The following CNTNAP1 variants were observed in gnomAD, a reference collection of about 807,000 sequenced individuals.
CNTNAP1 encodes the protein contactin associated protein 1.
In CNTNAP1, 80 loss-of-function variants were observed where a neutral mutation model predicts 161.5. The ratio of observed to expected loss-of-function variants is 0.50; its 90% CI spans 0.41 to 0.60. The LOEUF is 0.60. Among genes scored for constraint, CNTNAP1 ranks in the 20% least tolerant of loss-of-function variants. The pLI is 0.00. For missense variants in CNTNAP1, 1,464 were observed against 1,854.8 expected, an observed-to-expected ratio of 0.79 and a Z score of 3.87; for synonymous variants, 695 against 733.1, an observed-to-expected ratio of 0.95 and a Z score of 0.84.
Position 42,696,036 on chromosome 17 carries a change from C to T in CNTNAP1, c.3358C>T (p.Leu1120=). 1.2e-6 allele frequency: 2 copies of T among 1,614,132 alleles called. No individual in the cohort carries two copies. Among genetic ancestry groups the T allele is most frequent in the South Asian group, 1.1e-5 (1 of 91,080 alleles). Residue 1120 remains leucine (L), a synonymous_variant, in exon 20 of 24, where the codon CTG becomes TTG. Coordinates refer to ENST00000264638, the MANE Select transcript of CNTNAP1 (RefSeq NM_003632.3). ...VLIKDDGTLQ[L]RYQLGTSPYV... ...TCCCCACCCCACAGGGACCCTTCAG[C>T]TGCGATATCAGCTGGGCACCAGTCC...
Position 42,691,875 on chromosome 17 carries a change from A to T in CNTNAP1, c.2414A>T (p.His805Leu). Residue 805 changes from histidine (H) to leucine (L), a missense_variant, in exon 16 of 24, where the codon CAC becomes CTC. Transcript: ENST00000264638. This position sits in a 1 kb window ranked among gnomAD's most constrained non-coding sequence, Gnocchi z 4.3. ...CGCTTCCCCCCAATCCGTGCCAACCACAGCCTGGATGTCTCCTTCTACTTC... is the reference window on the plus strand; with the variant it reads ...CGCTTCCCCCCAATCCGTGCCAACCTCAGCCTGGATGTCTCCTTCTACTTC... Reference protein sequence around the residue: ...ALRFPPIRANHSLDVSFYFRT... With the variant: ...ALRFPPIRANLSLDVSFYFRT... The T allele has an allele frequency of 6.2e-7, 1 of 1,614,014 alleles. No homozygotes were observed.
chr17:42,689,531 AACATG>A lies in CNTNAP1; in HGVS notation c.1640_1644del (p.Asn547MetfsTer2). On this transcript the variant is annotated frameshift_variant, in exon 11 of 24. Coordinates refer to ENST00000264638, the MANE Select transcript of CNTNAP1 (RefSeq NM_003632.3). LOFTEE classifies it high-confidence loss of function. ...TGACCCCTTCCCTAGGTGCAGCCCT[AACATG>A]TGTGAGCATGATGGACGCTGCTACC... The A allele has an allele frequency of 4.3e-6, 7 of 1,613,460 alleles. No homozygotes were observed. Among genetic ancestry groups the A allele is most frequent in the Non-Finnish European group, 5.9e-6 (7 of 1,179,636 alleles).
intron 9 of CNTNAP1, 54 bp downstream of exon 9, chr17:42,688,665 C>A: frequency 6.2e-7 from 1 of 1,610,746 alleles, no homozygotes; most frequent in Non-Finnish European, 8.5e-7. Flanking sequence ...AAGGCTCCAT[C>A]TAAGTCCACC....
intron 8 of CNTNAP1, 95 bp from the exon 9 acceptor site, chr17:42,688,367 T>TGG: frequency 6.5e-7 from 1 of 1,536,970 alleles, no homozygotes; most frequent in East Asian, 2.3e-5. Context: ...AGGCTGCTAC[T>TGG]GGGACACAGT....
chr17:42,694,253 C>T (rs2053127070), intron 18 of CNTNAP1, among the ~76,000 whole-genome samples: 1 of 151,746 alleles, frequency 6.6e-6, no homozygotes, highest in Non-Finnish European at 1.5e-5. Context: ...CTCACTGCAA[C>T]CTCCACCTCC....
At chr17:42,698,164 C>A (rs960043079) in intron 23 of CNTNAP1, among the ~76,000 whole-genome samples, 1 of 151,848 alleles carries the variant, frequency 6.6e-6, no homozygotes, top group Non-Finnish European at 1.5e-5. Context: ...CTGAAGGTGA[C>A]ATATAACTGG....
At position 42,689,063 on chromosome 17, in the gene CNTNAP1, TA is replaced by T. The variant is rs1275805350; in HGVS notation, c.1628+18del. 6.5e-7 allele frequency: 1 copy of T among 1,545,150 alleles called. No homozygotes were observed. Among genetic ancestry groups the T allele is most frequent in the East Asian group, 2.3e-5 (1 of 43,920 alleles). On this transcript the variant is annotated intron_variant, in intron 10 of 23. Coordinates refer to ENST00000264638, the MANE Select transcript of CNTNAP1 (RefSeq NM_003632.3). ...TCACTGATAGGTACCCAGAAGCCCCTAACAAGAGATGACCCCTCCAAAGCCC... is the reference window on the plus strand; with the variant it reads ...TCACTGATAGGTACCCAGAAGCCCCTACAAGAGATGACCCCTCCAAAGCCC...
chr17:42,682,829 C>T lies in CNTNAP1; in HGVS notation c.-1C>T, dbSNP rs1352170444. On this transcript the variant is annotated 5_prime_UTR_variant, in exon 1 of 24. Transcript: ENST00000264638. ...GCGGCTGCCGGGACCGTCAGCCCTG[C>T]ATGATGCATCTCCGGCTCTTCTGCA... The T allele has an allele frequency of 6.3e-7, 1 of 1,575,498 alleles. No homozygotes were observed. Among genetic ancestry groups the T allele is most frequent in the African/African-American group, 1.3e-5 (1 of 74,110 alleles).
In CNTNAP1 at chr17:42,693,294, C is replaced by G; in HGVS notation, c.2753-3C>G. On this transcript the variant is annotated splice_region_variant and splice_polypyrimidine_tract_variant and intron_variant, in intron 17 of 23. Transcript: ENST00000264638. Reference sequence around the variant, plus strand: ...TTCTTGACCTGTTGCCTACCCTTCCCAGGATCTGCAGAGCTTAAGAGACGC... The same window carrying G: ...TTCTTGACCTGTTGCCTACCCTTCCGAGGATCTGCAGAGCTTAAGAGACGC... The G allele has an allele frequency of 1.2e-6, 2 of 1,613,842 alleles. No homozygotes were observed. The highest frequency in any genetic ancestry group is 1.7e-6 in the Non-Finnish European group (2 of 1,179,780).
At chr17:42,696,319 T>C (rs112315462) in intron 20 of CNTNAP1, among the ~76,000 whole-genome samples, 167 bp downstream of exon 20, 4 of 87,794 alleles carry the variant, frequency 4.6e-5, no homozygotes, top group African/African-American at 1.8e-4. Flanking sequence ...AAGGGGACAA[T>C]AGGCATTTTT....
intron 18 of CNTNAP1, 91 bp downstream of exon 18, chr17:42,693,627 A>G: frequency 6.5e-7 from 1 of 1,531,238 alleles, no homozygotes. Flanking sequence ...TAAAGCCCAT[A>G]TCATGGAAAA....
intron 18 of CNTNAP1, among the ~76,000 whole-genome samples, 189 bp downstream of exon 18, chr17:42,693,725 A>T (rs1488852180): frequency 6.6e-6 from 1 of 152,210 alleles, no homozygotes; most frequent in Non-Finnish European, 1.5e-5. Context: ...TGGACAAGGA[A>T]GGGATGGTAC....
rs542849433 is a variant in CNTNAP1 at position 42,687,199 on chromosome 17, C to T, written c.1044+153C>T. ...AAGTTGGGAGGGGAGCGGGTCTCAC[C>T]TGAGGTGCATGAGCCACGCAGGCCC... On this transcript the variant is annotated intron_variant, in intron 7 of 23. Transcript: ENST00000264638. The surrounding 1 kb of genome is among the most constrained non-coding windows in gnomAD (Gnocchi z 4.7). 5.2e-4 allele frequency: 565 copies of T among 1,084,246 alleles called. 3 individuals are homozygous for T. The African/African-American group carries it at 7.7e-3, about 15-fold the overall frequency. 67.2% of individuals were successfully genotyped at this position (1,084,246 alleles called of 1,614,324 possible).
In CNTNAP1 at chr17:42,690,721, T is replaced by C; in HGVS notation, c.1856-18T>C. ...ATGCCCAACTCCAGCCAAAGCTCTGTCCCCTCTTGTCTGCCAGAGAACCGA... is the reference window on the plus strand; with the variant it reads ...ATGCCCAACTCCAGCCAAAGCTCTGCCCCCTCTTGTCTGCCAGAGAACCGA... On this transcript the variant is annotated intron_variant, in intron 12 of 23. Transcript: ENST00000264638. 6.2e-7 allele frequency: 1 copy of C among 1,610,320 alleles called. No homozygotes were observed. The highest frequency in any genetic ancestry group is 8.5e-7 in the Non-Finnish European group (1 of 1,176,978).
In CNTNAP1 at chr17:42,683,840, G is replaced by A. The variant is rs1347026109; in HGVS notation, c.87G>A (p.Leu29=). 5 of 1,612,218 alleles carry A rather than the reference G, an allele frequency of 3.1e-6. No homozygotes were observed. The Admixed American group carries it at 5.0e-5, about 16-fold the overall frequency. ...CCCTAGACGGCTGCGACGAGGAGCTGGTGGGTCCCCTGTATGCACGCTCCC... is the reference window on the plus strand; with the variant it reads ...CCCTAGACGGCTGCGACGAGGAGCTAGTGGGTCCCCTGTATGCACGCTCCC... ...GWGYYGCDEE[L]VGPLYARSLG... is the part of the protein sequence containing the mutation. The change falls in exon 2 of 24, where the codon CTG becomes CTA. Residue 29 remains leucine, a synonymous_variant. Coordinates refer to ENST00000264638, the MANE Select transcript of CNTNAP1 (RefSeq NM_003632.3).
chr17:42,685,321 GAGGAGA>G lies in CNTNAP1; in HGVS notation c.621_626del (p.Glu207_Lys208del). 1.9e-6 allele frequency: 3 copies of G among 1,612,534 alleles called. No individual in the cohort carries two copies. Among genetic ancestry groups the G allele is most frequent in the Non-Finnish European group, 2.5e-6 (3 of 1,180,014 alleles). ...CGTGTTCGCCTTCAGCTTCAAGACC[GAGGAGA>G]AGGACGGTCTTCTGCTGCACGCCGA... On this transcript the variant is annotated inframe_deletion, in exon 5 of 24. Transcript: ENST00000264638. The surrounding 1 kb of genome is among the most constrained non-coding windows in gnomAD (Gnocchi z 5.0).
chr17:42,694,644 A>G (rs76785574), intron 18 of CNTNAP1, among the ~76,000 whole-genome samples: 2 of 151,358 alleles, frequency 1.3e-5, no homozygotes, highest in African/African-American at 4.9e-5. Flanking sequence ...AAAAAAAAAA[A>G]GCAAATCGCT....
chr17:42,687,185 G>T lies in CNTNAP1; in HGVS notation c.1044+139G>T. Reference sequence around the variant, plus strand: ...CCAGCCAGATGCTCAAGTTGGGAGGGGAGCGGGTCTCACCTGAGGTGCATG... The same window carrying T: ...CCAGCCAGATGCTCAAGTTGGGAGGTGAGCGGGTCTCACCTGAGGTGCATG... On this transcript the variant is annotated intron_variant, in intron 7 of 23. Transcript: ENST00000264638. The surrounding 1 kb of genome is among the most constrained non-coding windows in gnomAD (Gnocchi z 4.7). 3 of 1,255,618 alleles carry T rather than the reference G, an allele frequency of 2.4e-6. No individual in the cohort carries two copies. The highest frequency in any genetic ancestry group is 3.3e-6 in the Non-Finnish European group (3 of 917,054). 77.8% of individuals were successfully genotyped at this position (1,255,618 alleles called of 1,614,324 possible). A position where few individuals can be genotyped will look rare whatever the true frequency, so the allele number is the denominator to read the frequency against.
At chr17:42,692,403 A>G (rs562512590) in intron 16 of CNTNAP1, 96 bp from the exon 17 acceptor site, 1 of 1,033,100 alleles carries the variant, frequency 9.7e-7, no homozygotes, top group East Asian at 2.4e-5. Flanking sequence ...AGAAGCTCCA[A>G]AGAGGTGAGG....
Sources: gnomAD v4.1 joint callset for allele counts (sites outside exome capture counted in the v4.1 genomes callset) on GRCh38, gnomAD v4.1.1 for gene constraint, Gnocchi (gnomAD v3.1) non-coding constraint, MANE v1.5 for transcripts, NCBI Gene and HGNC (gene_info 2026-07-23, HGNC 2026-07-21) for gene names.